EXTL1: variants seen among roughly 807,000 people sequenced by gnomAD.
The protein encoded by EXTL1 is exostosin like glycosyltransferase 1, also known as exostosin-like 1.
Under a neutral mutation model 64.6 loss-of-function variants are expected in EXTL1, and 43 were observed. That is an observed-to-expected ratio of 0.67 (90% confidence interval 0.52 to 0.86). EXTL1 has a LOEUF of 0.86. Among genes scored for constraint, EXTL1 ranks in the 40% least tolerant of loss-of-function variants. The probability of loss-of-function intolerance (pLI) is 0.00; values close to 1 mark genes in which losing one functional copy is unlikely to be tolerated. For synonymous variants in EXTL1, 352 were observed against 360.5 expected (o/e 0.98, Z 0.27); for missense variants, 766 against 879.0 (o/e 0.87, Z 1.62).
chr1:26,024,641 C>T (rs892567222), intron 1 of EXTL1, among the ~76,000 whole-genome samples: 1 of 152,086 alleles, frequency 6.6e-6, no homozygotes, highest in African/African-American at 2.4e-5. Flanking sequence ...TTGCTGGGAC[C>T]TATCCCTAGT....
chr1:26,035,572 G>C lies in EXTL1; in HGVS notation c.*225G>C, dbSNP rs528275752. 8.9e-6 allele frequency: 4 copies of C among 451,942 alleles called. No homozygotes were observed. In the East Asian group the frequency reaches 1.3e-4, roughly 15 times the overall value. 28.0% of individuals were successfully genotyped at this position (451,942 alleles called of 1,614,324 possible). On this transcript the variant is annotated 3_prime_UTR_variant, in exon 11 of 11. Coordinates refer to ENST00000374280, the MANE Select transcript of EXTL1 (RefSeq NM_004455.3). This position sits in a 1 kb window ranked among gnomAD's most constrained non-coding sequence, Gnocchi z 5.3. ...CTGCGGAGGCTGAGCCCCGCGACCG[G>C]AGCGCCGCTCTCCGCTTCTCCACCC...
At chr1:26,026,462 T>G (rs1252539928) in intron 1 of EXTL1, among the ~76,000 whole-genome samples, 1 of 151,640 alleles carries the variant, frequency 6.6e-6, no homozygotes, top group Admixed American at 6.6e-5. Context: ...CCCAGCTAAT[T>G]TTTGTATTTT....
intron 3 of EXTL1, 67 bp downstream of exon 3, chr1:26,029,774 G>A: frequency 1.9e-6 from 2 of 1,052,858 alleles, no homozygotes; most frequent in Non-Finnish European, 2.9e-6. Flanking sequence ...TAGAATCCTG[G>A]ATCGAGGCTG....
In EXTL1 at chr1:26,030,498, T is replaced by A. The variant is rs1250089061; in HGVS notation, c.1004T>A (p.Met335Lys). 6.2e-7 allele frequency: 1 copy of A among 1,612,482 alleles called. No homozygotes were observed. Residue 335 changes from methionine to lysine, a missense_variant, in exon 4 of 11, where the codon ATG becomes AAG. Physicochemically the swap from Met to Lys is moderately conservative, Grantham distance 95. This residue lies in a region of EXTL1 where 571 missense variants were observed against 647.6 expected (regional missense o/e 0.88). Coordinates refer to ENST00000374280, the MANE Select transcript of EXTL1 (RefSeq NM_004455.3). ...PLQVLAALQE[M>K]SPARVLALRQ... is the part of the protein sequence containing the mutation. ...CAGGTCCTGGCTGCCCTCCAGGAGATGTCCCCTGCACGGGTCCTCGCCCTG... is the reference window on the plus strand; with the variant it reads ...CAGGTCCTGGCTGCCCTCCAGGAGAAGTCCCCTGCACGGGTCCTCGCCCTG...
Position 26,029,173 on chromosome 1 carries a change from C to G in EXTL1, c.780-20C>G. 6.3e-7 allele frequency: 1 copy of G among 1,593,564 alleles called. No homozygotes were observed. Among genetic ancestry groups the G allele is most frequent in the Non-Finnish European group, 8.6e-7 (1 of 1,162,510 alleles). On this transcript the variant is annotated intron_variant, in intron 1 of 10. Coordinates refer to ENST00000374280, the MANE Select transcript of EXTL1 (RefSeq NM_004455.3). ...TGTCCAGGCTCATGTGTGGTGGGAC[C>G]TCCCCATGTGCCTCTTTAGGACCCA...
rs911582485 is a variant in EXTL1, at chr1:26,033,416, G to A, written c.1518+101G>A. ...CAGGGTTGAGGGGACCCCAGGTCATGAGGTCCAGCCTCTTGCATTTGAAAC... is the reference window on the plus strand; with the variant it reads ...CAGGGTTGAGGGGACCCCAGGTCATAAGGTCCAGCCTCTTGCATTTGAAAC... On this transcript the variant is annotated intron_variant, in intron 8 of 10. Coordinates refer to ENST00000374280, the MANE Select transcript of EXTL1 (RefSeq NM_004455.3). This position sits in a 1 kb window ranked among gnomAD's most constrained non-coding sequence, Gnocchi z 5.1. 10 of 1,034,132 alleles carry A rather than the reference G, an allele frequency of 9.7e-6. 1 individual carries two copies. The highest frequency in any genetic ancestry group is 9.5e-5 in the African/African-American group (6 of 63,428). 64.1% of individuals were successfully genotyped at this position (1,034,132 alleles called of 1,614,324 possible).
At position 26,031,474 on chromosome 1, in the gene EXTL1, G is replaced by A; in HGVS notation, c.1249G>A (p.Gly417Ser). Reference protein sequence around the residue: ...YYLQQGSRPEGRFSALIWVGP... With the variant: ...YYLQQGSRPESRFSALIWVGP... ...CATTCCCCCAGGCTCCCGCCCTGAG[G>A]GCAGATTCAGCGCCCTGATCTGGGT... Residue 417 changes from glycine (G) to serine (S), a missense_variant, in exon 6 of 11, where the codon GGC (glycine) becomes AGC (serine). Gly to Ser is a moderately conservative substitution (Grantham distance 56). Coordinates refer to ENST00000374280, the MANE Select transcript of EXTL1 (RefSeq NM_004455.3). The A allele has an allele frequency of 6.3e-7, 1 of 1,583,902 alleles. No homozygotes were observed. Among genetic ancestry groups the A allele is most frequent in the Non-Finnish European group, 8.6e-7 (1 of 1,164,038 alleles).
At chr1:26,032,370 T>C in intron 6 of EXTL1, 26 bp from the exon 7 acceptor site, 1 of 1,529,518 alleles carries the variant, frequency 6.5e-7, no homozygotes, top group Non-Finnish European at 8.9e-7. Flanking sequence ...GATCCCAGAC[T>C]TCAAGAACAA....
At chr1:26,023,463 G>T in intron 1 of EXTL1, 38 bp downstream of exon 1, 1 of 1,421,106 alleles carries the variant, frequency 7.0e-7, no homozygotes, top group South Asian at 1.6e-5. Flanking sequence ...GGATGGGAGG[G>T]GGCTGGAATA....
intron 3 of EXTL1, 95 bp downstream of exon 3, chr1:26,029,802 T>G (rs1323318105): frequency 2.7e-6 from 2 of 752,678 alleles, no homozygotes; most frequent in African/African-American, 3.5e-5. Flanking sequence ...TCCTCATTCC[T>G]ATCTGCCTTC....
In EXTL1 at chr1:26,022,947, T is replaced by C. The variant is rs2124398633; in HGVS notation, c.301T>C (p.Tyr101His). The stretch of plus-strand genomic sequence containing the variant: ...GGGCGATGGCCTTAAGGTATTCGTG[T>C]ACCCAGCGGTTGGAACCATCTCTGA... ...CRGDGLKVFVYPAVGTISETH... is the reference protein window; with the variant it reads ...CRGDGLKVFVHPAVGTISETH... Residue 101 changes from tyrosine (Y) to histidine (H), a missense_variant, in exon 1 of 11, where the codon TAC becomes CAC. Coordinates refer to ENST00000374280, the MANE Select transcript of EXTL1 (RefSeq NM_004455.3). 6.2e-7 allele frequency: 1 copy of C among 1,614,142 alleles called. No homozygotes were observed. The highest frequency in any genetic ancestry group is 1.1e-5 in the South Asian group (1 of 91,082).
intron 2 of EXTL1, 56 bp downstream of exon 2, chr1:26,029,342 G>A (rs1351737181): frequency 7.0e-7 from 1 of 1,425,490 alleles, no homozygotes; most frequent in South Asian, 1.2e-5. Flanking sequence ...TCATGAGCTG[G>A]CAGGGTACTC....
At position 26,032,385 on chromosome 1, in the gene EXTL1, C is replaced by T; in HGVS notation, c.1342-11C>T. 6.5e-7 allele frequency: 1 copy of T among 1,550,174 alleles called. No individual in the cohort carries two copies. The highest frequency in any genetic ancestry group is 2.4e-5 in the East Asian group (1 of 41,144). ...GATCCCAGACTTCAAGAACAACCCC[C>T]TATCCTCTAGATCTTGGTTCTCTGG... On this transcript the variant is annotated splice_polypyrimidine_tract_variant and intron_variant, in intron 6 of 10. Transcript: ENST00000374280.
chr1:26,028,738 G>T (rs144185761), intron 1 of EXTL1, among the ~76,000 whole-genome samples: 1 of 152,228 alleles, frequency 6.6e-6, no homozygotes, highest in Non-Finnish European at 1.5e-5. Context: ...CCTTTCACGG[G>T]CCTGGCTTTT....
chr1:26,026,297 AT>A (rs61087238), intron 1 of EXTL1, among the ~76,000 whole-genome samples: 1 of 140,994 alleles, frequency 7.1e-6, no homozygotes, highest in African/African-American at 2.6e-5. Context: ...GAAGAAAAAA[AT>A]TTTTTTTTTT....
chr1:26,032,059 TA>T, intron 6 of EXTL1: 1 of 262,052 alleles, frequency 3.8e-6, no homozygotes, highest in East Asian at 8.3e-5. Flanking sequence ...CTGGGAGTCA[TA>T]AAAGAGCCTG....
Position 26,022,879 on chromosome 1 carries a change from G to A in EXTL1, c.233G>A (p.Gly78Asp). Residue 78 changes from glycine (G) to aspartate (D), a missense_variant, in exon 1 of 11, where the codon GGC (glycine) becomes GAC (aspartate). Physicochemically the swap from Gly to Asp is moderately conservative, Grantham distance 94. Around this residue, in one of 3 missense-constraint regions of EXTL1, gnomAD observed 571 missense variants for 647.6 expected, o/e 0.88. Coordinates refer to ENST00000374280, the MANE Select transcript of EXTL1 (RefSeq NM_004455.3). The stretch of plus-strand genomic sequence containing the variant: ...TCACCTCCTCAAGCCCCTCATGGTG[G>A]CAGCTGCAACTGGGAATCTTGCTTT... Reference protein sequence around the residue: ...AVSPPQAPHGGSCNWESCFDT... With the variant: ...AVSPPQAPHGDSCNWESCFDT... 6.2e-7 allele frequency: 1 copy of A among 1,614,026 alleles called. No homozygotes were observed. The highest frequency in any genetic ancestry group is 8.5e-7 in the Non-Finnish European group (1 of 1,180,010).
At position 26,022,172 on chromosome 1, in the gene EXTL1, G is replaced by A. The variant is rs1425778028; in HGVS notation, c.-475G>A. The A allele has an allele frequency of 6.4e-6, 1 of 155,644 alleles. No homozygotes were observed. The highest frequency in any genetic ancestry group is 1.4e-5 in the Non-Finnish European group (1 of 70,616). The allele number at this position is 155,644 out of a possible 1,614,324, so 9.6% of individuals were successfully genotyped here. On this transcript the variant is annotated 5_prime_UTR_variant, in exon 1 of 11. Transcript: ENST00000374280. ...AGACCAGCCCAGCTCCCTCCAGCCT[G>A]TCCCTGGCCAAGCCGCCTCCTGTGG...
Position 26,033,162 on chromosome 1 carries a change from C to T in EXTL1, c.1432-67C>T, listed in dbSNP as rs1407236000. 4 of 1,150,130 alleles carry T rather than the reference C, an allele frequency of 3.5e-6. No individual in the cohort carries two copies. Among genetic ancestry groups the T allele is most frequent in the Middle Eastern group, 1.9e-4 (1 of 5,182 alleles). The allele number at this position is 1,150,130 out of a possible 1,614,324, so 71.2% of individuals were successfully genotyped here. ...GCGTCTACACTGTGCCTGAATGGCT[C>T]CTACTTATTGGATGGGGGTGGGGGG... is the stretch of plus-strand genomic sequence containing the variant. On this transcript the variant is annotated intron_variant, in intron 7 of 10. Transcript: ENST00000374280. This position sits in a 1 kb window ranked among gnomAD's most constrained non-coding sequence, Gnocchi z 5.1.
Sources: allele counts gnomAD v4.1 joint callset (sites outside exome capture counted in the v4.1 genomes callset), GRCh38; gene constraint gnomAD v4.1.1; regional missense constraint gnomAD v4.1.1; non-coding constraint Gnocchi (gnomAD v3.1); transcripts MANE v1.5; gene names NCBI Gene and HGNC (gene_info 2026-07-23, HGNC 2026-07-21).